SNX6: variants seen among roughly 807,000 people sequenced by gnomAD.
SNX6 encodes sorting nexin-6.
In SNX6, 34 loss-of-function variants were observed where a neutral mutation model predicts 63.0. That is an observed-to-expected ratio of 0.54 (90% CI 0.41 to 0.72). The LOEUF is 0.72. Ranked by LOEUF, SNX6 falls within the 30% of genes least tolerant of loss-of-function variation. SNX6 has a pLI of 0.00. For synonymous variants in SNX6, 170 were observed against 164.2 expected, an observed-to-expected ratio of 1.04 and a Z score of -0.27; for missense variants, 398 against 471.4, an observed-to-expected ratio of 0.84 and a Z score of 1.44.
At chr14:34,590,430 CAAA>C (rs60755736) in intron 8 of SNX6, among the ~76,000 whole-genome samples, 3 of 84,394 alleles carry the variant, frequency 3.6e-5, no homozygotes, top group Admixed American at 1.5e-4. Flanking sequence ...GACTTCGTCT[CAAA>C]AAAAAAAAAA....
chr14:34,630,043 C>G lies in SNX6; in HGVS notation c.6+68G>C, dbSNP rs529356799. On this transcript the variant is annotated intron_variant, in intron 1 of 13. Transcript: ENST00000362031. ...ACATTAGTGACAGGCTGGCGCGGTC[C>G]CCGCGCCCGCCCCGCGCCCGCTGCC... is the stretch of plus-strand genomic sequence containing the variant. 53 of 1,441,602 alleles carry G rather than the reference C, an allele frequency of 3.7e-5. No individual in the cohort carries two copies. The Middle Eastern group carries it at 2.0e-3, about 54-fold the overall frequency. 89.3% of individuals were successfully genotyped at this position (1,441,602 alleles called of 1,614,324 possible). A position where few individuals can be genotyped will look rare whatever the true frequency, so the allele number is the denominator to read the frequency against.
chr14:34,563,291 G>C, intron 13 of SNX6, 116 bp from the exon 14 acceptor site: 1 of 937,366 alleles, frequency 1.1e-6, no homozygotes, highest in South Asian at 1.5e-5. Context: ...GGGCGCGGTG[G>C]CTCATGCCTG....
At position 34,600,414 on chromosome 14, in the gene SNX6, C is replaced by T. The variant is rs530313413; in HGVS notation, c.517-2769G>A. Among the ~76,000 whole-genome samples, 47 of 151,798 alleles carry T rather than the reference C, an allele frequency of 3.1e-4. No homozygotes were observed. In the South Asian group the frequency reaches 8.1e-3, roughly 26 times the overall value. On this transcript the variant is annotated intron_variant, in intron 6 of 13. Transcript: ENST00000362031. ...TGTTGGGATTACAGGAATGAGCCAC[C>T]GCACCCGGCATTTTTCTTTCTTCTT...
Position 34,604,509 on chromosome 14 carries a change from GAAGAA to G in SNX6, c.393-1043_393-1039del, listed in dbSNP as rs147569300. ...ATATAACTAAAAACTAAAACTAGTGGAAGAAGAGAAGAGGAAATGCATGAAGGGGA... is the reference window on the plus strand; with the variant it reads ...ATATAACTAAAAACTAAAACTAGTGGGAGAAGAGGAAATGCATGAAGGGGA... On this transcript the variant is annotated intron_variant, in intron 5 of 13. Transcript: ENST00000362031. Among the ~76,000 whole-genome samples, 801 of 152,220 alleles carry G rather than the reference GAAGAA, an allele frequency of 5.3e-3. 6 individuals carry two copies. Among genetic ancestry groups the G allele is most frequent in the African/African-American group, 0.018 (727 of 41,542 alleles).
chr14:34,622,602 C>T (rs1181132557), intron 2 of SNX6, among the ~76,000 whole-genome samples: 1 of 147,124 alleles, frequency 6.8e-6, no homozygotes, highest in Non-Finnish European at 1.5e-5. Context: ...TTCCTCAGTA[C>T]TTCCCACTGC....
chr14:34,598,306 A>G lies in SNX6; in HGVS notation c.517-661T>C, dbSNP rs541918935. Among the ~76,000 whole-genome samples the G allele has an allele frequency of 1.6e-4, 24 of 152,294 alleles. No homozygotes were observed. In the South Asian group the frequency reaches 4.8e-3, roughly 30 times the overall value. ...ATTCCCATGTACTTCCATTGCTTCA[A>G]TGCTCACCTTTATGTAAATGACTCA... On this transcript the variant is annotated intron_variant, in intron 6 of 13. Transcript: ENST00000362031.
At chr14:34,627,205 G>T (rs1245552674) in intron 2 of SNX6, among the ~76,000 whole-genome samples, 2 of 151,882 alleles carry the variant, frequency 1.3e-5, no homozygotes, top group Admixed American at 6.6e-5. Context: ...CCAGCACTTT[G>T]GGAGGCAGAG....
Position 34,562,588 on chromosome 14 carries a change from T to C in SNX6, c.*534A>G, listed in dbSNP as rs1880976504. On this transcript the variant is annotated 3_prime_UTR_variant, in exon 14 of 14. Coordinates refer to ENST00000362031, the MANE Select transcript of SNX6 (RefSeq NM_152233.4). ...CTTCAGAAATCATACTTATAAAGAT[T>C]ACATAAAATCTGTCCCAAAACGTCT... is the stretch of plus-strand genomic sequence containing the variant. 2 of 152,688 alleles carry C rather than the reference T, an allele frequency of 1.3e-5. No homozygotes were observed. Among genetic ancestry groups the C allele is most frequent in the Admixed American group, 1.3e-4 (2 of 15,278 alleles). 9.5% of individuals were successfully genotyped at this position (152,688 alleles called of 1,614,324 possible).
At chr14:34,585,998 A>G in intron 9 of SNX6, among the ~76,000 whole-genome samples, 1 of 152,004 alleles carries the variant, frequency 6.6e-6, no homozygotes, top group Non-Finnish European at 1.5e-5. Flanking sequence ...TCTGCCTCCC[A>G]GGTTCAAACA....
rs548232210 is a variant in SNX6, at chr14:34,622,484, G to C, written c.54+7423C>G. 8.6e-4 allele frequency among the ~76,000 whole-genome samples: 129 copies of C among 150,796 alleles called. 2 individuals are homozygous for C. In the Middle Eastern group the frequency reaches 0.01, roughly 12 times the overall value. ...TGTAGTCCCAGCTACTCGGGACGCT[G>C]AGGCAGGAGAATGGCGTGAATCCGG... On this transcript the variant is annotated intron_variant, in intron 2 of 13. Coordinates refer to ENST00000362031, the MANE Select transcript of SNX6 (RefSeq NM_152233.4).
At chr14:34,625,724 C>T (rs531204857) in intron 2 of SNX6, among the ~76,000 whole-genome samples, 7 of 152,054 alleles carry the variant, frequency 4.6e-5, no homozygotes, top group Admixed American at 3.3e-4. Context: ...CAGAGCGAGA[C>T]CCTGTCTCAA....
At chr14:34,575,629 A>G (rs962128795) in intron 11 of SNX6, 127 bp downstream of exon 11, 6 of 456,554 alleles carry the variant, frequency 1.3e-5, no homozygotes, top group African/African-American at 2.0e-5. Context: ...GAGAAATAGA[A>G]TTCATATTTG....
chr14:34,609,429 C>T (rs145216061), intron 3 of SNX6, among the ~76,000 whole-genome samples: 3,085 of 135,752 alleles, frequency 0.023, 103 homozygotes, highest in African/African-American at 0.074. Context: ...TGCAGTGAGC[C>T]GAGATCGTGC....
chr14:34,591,895 TTAGC>T (rs1312167626), intron 8 of SNX6, among the ~76,000 whole-genome samples: 2 of 152,100 alleles, frequency 1.3e-5, no homozygotes, highest in Non-Finnish European at 2.9e-5. Flanking sequence ...TACGAAAAAA[TTAGC>T]TAGTTCAATC....
chr14:34,578,913 T>C (rs867573471), intron 10 of SNX6, among the ~76,000 whole-genome samples: 11 of 101,494 alleles, frequency 1.1e-4, no homozygotes, highest in Middle Eastern at 0.015. Flanking sequence ...CACTCCAGCC[T>C]GGCGACAGAG....
Position 34,563,282 on chromosome 14 carries a change from G to A in SNX6, c.1168-107C>T. On this transcript the variant is annotated intron_variant, in intron 13 of 13. Transcript: ENST00000362031. Reference sequence around the variant, plus strand: ...ACATAAAATATAGTGTTAGAAGCCGGGCGCGGTGGCTCATGCCTGTAATCC... The same window carrying A: ...ACATAAAATATAGTGTTAGAAGCCGAGCGCGGTGGCTCATGCCTGTAATCC... 4.6e-6 allele frequency: 5 copies of A among 1,084,360 alleles called. No homozygotes were observed. The South Asian group carries it at 7.1e-5, about 15-fold the overall frequency. The allele number at this position is 1,084,360 out of a possible 1,614,324, so 67.2% of individuals were successfully genotyped here.
chr14:34,618,390 G>A (rs1192972089), intron 2 of SNX6, among the ~76,000 whole-genome samples: 1 of 151,954 alleles, frequency 6.6e-6, no homozygotes, highest in African/African-American at 2.4e-5. Flanking sequence ...TTGCTCTGTC[G>A]CCAAGGCTGG....
At chr14:34,591,360 G>A (rs925412289) in intron 8 of SNX6, among the ~76,000 whole-genome samples, 3 of 152,166 alleles carry the variant, frequency 2.0e-5, no homozygotes, top group Admixed American at 6.6e-5. Flanking sequence ...TCTAAGTGGT[G>A]ACACAATTCA....
chr14:34,611,495 G>T (rs115772589), intron 2 of SNX6, among the ~76,000 whole-genome samples: 3,222 of 151,204 alleles, frequency 0.021, 108 homozygotes, highest in African/African-American at 0.07. Context: ...AAAAAAAAAG[G>T]GGGGGAGGCC....
Sources: gnomAD v4.1 joint callset for allele counts (sites outside exome capture counted in the v4.1 genomes callset) on GRCh38, gnomAD v4.1.1 for gene constraint, MANE v1.5 for transcripts, NCBI Gene and HGNC (gene_info 2026-07-23, HGNC 2026-07-21) for gene names.